The following SH2B1 variants were observed in gnomAD, a reference collection of about 807,000 sequenced individuals.
The protein encoded by SH2B1 is SH2B adapter protein 1.
A neutral mutation model predicts 62.6 loss-of-function variants in SH2B1; 15 were observed. That is an observed-to-expected ratio of 0.24 (90% confidence interval 0.16 to 0.37). SH2B1 has a LOEUF of 0.37. SH2B1 is among the 10% of genes least tolerant of loss of function. The pLI, the probability that SH2B1 is intolerant of heterozygous loss-of-function variation, is 1.00. For missense variants in SH2B1, 925 were observed against 1,015.6 expected, an observed-to-expected ratio of 0.91 and a Z score of 1.21; for synonymous variants, 443 against 438.0, an observed-to-expected ratio of 1.01 and a Z score of -0.14.
At chr16:28,871,675 C>T in intron 4 of SH2B1, 105 bp from the exon 5 acceptor site, 1 of 892,178 alleles carries the variant, frequency 1.1e-6, no homozygotes, top group Non-Finnish European at 1.8e-6. Flanking sequence ...GGCATCTTGG[C>T]CAGCGACTGC....
Position 28,865,432 on chromosome 16 carries a change from G to A in SH2B1, c.-663G>A. ...AAGATGCGTGAGGCAGGCTCTCTAA[G>A]GTCTAGAATCCCAGCTCCTCTCTAG... On this transcript the variant is annotated 5_prime_UTR_variant, in exon 1 of 8. Coordinates refer to ENST00000684370, the MANE Select transcript of SH2B1 (RefSeq NM_001387430.1). 1.0e-6 allele frequency: 1 copy of A among 985,610 alleles called. No individual in the cohort carries two copies. The highest frequency in any genetic ancestry group is 1.2e-6 in the Non-Finnish European group (1 of 829,986). The allele number at this position is 985,610 out of a possible 1,614,324, so 61.1% of individuals were successfully genotyped here.
chr16:28,864,031 G>C lies in SH2B1; in HGVS notation c.-2064G>C. 1 of 1,395,792 alleles carries C rather than the reference G, an allele frequency of 7.2e-7. No homozygotes were observed. Among genetic ancestry groups the C allele is most frequent in the Non-Finnish European group, 9.3e-7 (1 of 1,075,402 alleles). 86.5% of individuals were successfully genotyped at this position (1,395,792 alleles called of 1,614,324 possible). On this transcript the variant is annotated 5_prime_UTR_variant, in exon 1 of 8. Transcript: ENST00000684370. The stretch of plus-strand genomic sequence containing the variant: ...TGGCGCCCGAGAGGATTCCTGGGTG[G>C]GGGTGGGCGTGGAGGGCCGGGGGCT...
chr16:28,863,470 G>T (rs1270965158), upstream of SH2B1: 3 of 534,350 alleles, frequency 5.6e-6, no homozygotes, highest in South Asian at 4.8e-5. Flanking sequence ...AGGCTGCAGC[G>T]GGCCGTTCAC....
At chr16:28,863,608 C>A, upstream of SH2B1, 5 of 1,420,612 alleles carry the variant, frequency 3.5e-6, no homozygotes, top group Middle Eastern at 1.8e-4. Flanking sequence ...GAATTTCCTC[C>A]GGGAGGACGC....
At chr16:28,867,124 G>T (rs1002648950) in intron 1 of SH2B1, 91 bp downstream of exon 1, 7 of 1,543,568 alleles carry the variant, frequency 4.5e-6, no homozygotes, top group East Asian at 2.2e-5. Context: ...GGGTTTACCA[G>T]CCCATGGCCC....
chr16:28,857,207 C>T (rs967015535), intron 1 of SH2B1, among the ~76,000 whole-genome samples: 2 of 151,408 alleles, frequency 1.3e-5, no homozygotes, highest in Non-Finnish European at 2.9e-5. Context: ...TGCTTGAACC[C>T]GGGAGATGGA....
At chr16:28,855,647 A>ATTTATTTT (rs1555510483) in intron 1 of SH2B1, among the ~76,000 whole-genome samples, 3 of 145,088 alleles carry the variant, frequency 2.1e-5, no homozygotes, top group South Asian at 2.2e-4. Flanking sequence ...TTATTTATTT[A>ATTTATTTT]TTTTTTTTTT....
chr16:28,853,473 G>A (rs1251913649), intron 1 of SH2B1, among the ~76,000 whole-genome samples: 1 of 148,890 alleles, frequency 6.7e-6, no homozygotes, highest in Admixed American at 6.7e-5. Context: ...AAAGTGCTGA[G>A]ATTACAGGCA....
At chr16:28,857,632 G>A (rs1962349108) in intron 1 of SH2B1, among the ~76,000 whole-genome samples, 2 of 152,126 alleles carry the variant, frequency 1.3e-5, no homozygotes, top group African/African-American at 4.8e-5. Context: ...GGGACAGCAG[G>A]CCACCAAGCT....
At chr16:28,869,159 C>T in intron 3 of SH2B1, 49 bp from the exon 4 acceptor site, 3 of 1,613,764 alleles carry the variant, frequency 1.9e-6, no homozygotes, top group Non-Finnish European at 2.5e-6. Context: ...AGCCTTGCGC[C>T]TCTCACCTGG....
chr16:28,866,800 G>A lies in SH2B1; in HGVS notation c.706G>A (p.Gly236Arg). ...HRFERLRLSR[G>R]GGALKDGAGM... is the part of the protein sequence containing the mutation. ...TTTTGAGAGGCTGAGACTCAGTCGG[G>A]GAGGGGGCGCCTTGAAGGATGGAGC... The change falls in exon 1 of 8, where the codon GGA becomes AGA. Residue 236 changes from glycine (G) to arginine (R), a missense_variant. Gly to Arg is a moderately radical substitution (Grantham distance 125). Transcript: ENST00000684370. The surrounding 1 kb of genome is among the most constrained non-coding windows in gnomAD (Gnocchi z 6.3). 2 of 1,583,256 alleles carry A rather than the reference G, an allele frequency of 1.3e-6. No individual in the cohort carries two copies. The highest frequency in any genetic ancestry group is 8.6e-7 in the Non-Finnish European group (1 of 1,165,566).
Position 28,872,070 on chromosome 16 carries a change from AG to A in SH2B1, c.1513+91del. 1 of 1,351,886 alleles carries A rather than the reference AG, an allele frequency of 7.4e-7. No homozygotes were observed. Among genetic ancestry groups the A allele is most frequent in the Non-Finnish European group, 1.1e-6 (1 of 950,714 alleles). 83.7% of individuals were successfully genotyped at this position (1,351,886 alleles called of 1,614,324 possible). The stretch of plus-strand genomic sequence containing the variant: ...CCTGGGATCCCGAGGGAGCTGGCCC[AG>A]GGGAGTTGGGGACGCATGTGGGGAG... On this transcript the variant is annotated intron_variant, in intron 5 of 7. Coordinates refer to ENST00000684370, the MANE Select transcript of SH2B1 (RefSeq NM_001387430.1). The surrounding 1 kb of genome is among the most constrained non-coding windows in gnomAD (Gnocchi z 5.3).
chr16:28,847,643 C>T (rs1020440765), intron 1 of SH2B1, among the ~76,000 whole-genome samples: 3 of 151,474 alleles, frequency 2.0e-5, no homozygotes, highest in African/African-American at 7.3e-5. Context: ...ATTAGGAGAC[C>T]CTATCTCTAC....
Position 28,864,610 on chromosome 16 carries a change from G to T in SH2B1, c.-1485G>T. 1 of 985,598 alleles carries T rather than the reference G, an allele frequency of 1.0e-6. No homozygotes were observed. The highest frequency in any genetic ancestry group is 1.2e-6 in the Non-Finnish European group (1 of 830,014). The allele number at this position is 985,598 out of a possible 1,614,324, so 61.1% of individuals were successfully genotyped here. ...CTGTAGGTTTGAACAGGAGTCTGAG[G>T]TCGCTGAGGGTTTGGGGAGGCTTTC... On this transcript the variant is annotated 5_prime_UTR_variant, in exon 1 of 8. Transcript: ENST00000684370.
At position 28,863,853 on chromosome 16, in the gene SH2B1, G is replaced by A. The variant is rs1223092328; in HGVS notation, c.-2242G>A. On this transcript the variant is annotated 5_prime_UTR_variant, in exon 1 of 8. Coordinates refer to ENST00000684370, the MANE Select transcript of SH2B1 (RefSeq NM_001387430.1). ...CCTGACGCCTGCGCGGAACCGGGCT[G>A]GGCGCTCGTCGCGTAGTGGGTGGGG... is the stretch of plus-strand genomic sequence containing the variant. 23 of 1,527,386 alleles carry A rather than the reference G, an allele frequency of 1.5e-5. No homozygotes were observed. The highest frequency in any genetic ancestry group is 2.8e-5 in the African/African-American group (2 of 72,658). The allele number at this position is 1,527,386 out of a possible 1,614,324, so 94.6% of individuals were successfully genotyped here.
chr16:28,854,666 G>C (rs1028050982), intron 1 of SH2B1, among the ~76,000 whole-genome samples: 3 of 152,120 alleles, frequency 2.0e-5, no homozygotes, highest in Non-Finnish European at 4.4e-5. Context: ...TGAGGCAGGA[G>C]GATCAATTCA....
At chr16:28,867,542 C>A in intron 2 of SH2B1, 110 bp downstream of exon 2, 1 of 779,436 alleles carries the variant, frequency 1.3e-6, no homozygotes, top group South Asian at 1.4e-5. Context: ...GTGTCCAGTG[C>A]CTTGAGAGTG....
Position 28,873,193 on chromosome 16 carries a change from G to A in SH2B1, c.1898-254G>A, listed in dbSNP as rs1186721264. On this transcript the variant is annotated intron_variant, in intron 7 of 7. Coordinates refer to ENST00000684370, the MANE Select transcript of SH2B1 (RefSeq NM_001387430.1). This position sits in a 1 kb window ranked among gnomAD's most constrained non-coding sequence, Gnocchi z 4.2. ...AGGCCGGGAGCAGGCTGGGAGCCAT[G>A]CGGGGGTGTGCGAGGGAGATGGATG... The A allele has an allele frequency of 3.8e-6, 6 of 1,592,046 alleles. No homozygotes were observed. Among genetic ancestry groups the A allele is most frequent in the South Asian group, 1.1e-5 (1 of 88,356 alleles).
chr16:28,856,215 G>C (rs1208164545), intron 1 of SH2B1, among the ~76,000 whole-genome samples: 1 of 148,456 alleles, frequency 6.7e-6, no homozygotes, highest in African/African-American at 2.5e-5. Context: ...GGACATTGCA[G>C]TGAGCCCAGA....
Sources: allele counts gnomAD v4.1 joint callset (sites outside exome capture counted in the v4.1 genomes callset), GRCh38; gene constraint gnomAD v4.1.1; non-coding constraint Gnocchi (gnomAD v3.1); transcripts MANE v1.5; gene names NCBI Gene and HGNC (gene_info 2026-07-23, HGNC 2026-07-21).